The following FRMD5 variants were observed in gnomAD, a reference collection of about 807,000 sequenced individuals.
The protein encoded by FRMD5 is FERM domain-containing protein 5.
FRMD5 carries 20 observed loss-of-function variants against 69.0 expected under a neutral mutation model. The observed-to-expected ratio is 0.29, with a 90% CI of 0.20 to 0.42. The LOEUF (loss-of-function observed/expected upper bound fraction) is 0.42, where lower values mean the gene tolerates loss of function less well. Ranked by LOEUF, FRMD5 falls within the 10% of genes least tolerant of loss-of-function variation. FRMD5 has a pLI of 1.00. For synonymous variants in FRMD5, 271 were observed against 260.1 expected (o/e 1.04, Z -0.40); for missense variants, 595 against 708.6 (o/e 0.84, Z 1.82).
At chr15:43,956,123 C>A (rs2090111691) in intron 1 of FRMD5, among the ~76,000 whole-genome samples, 2 of 152,132 alleles carry the variant, frequency 1.3e-5, no homozygotes, top group South Asian at 4.1e-4. Flanking sequence ...GCTTGGTTTT[C>A]TCTAATCTTG....
At chr15:44,029,303 T>C (rs149106571) in intron 1 of FRMD5, among the ~76,000 whole-genome samples, 1 of 127,102 alleles carries the variant, frequency 7.9e-6, no homozygotes, top group Admixed American at 9.1e-5. Context: ...ATAACACTGC[T>C]GCATCCTTTT....
intron 13 of FRMD5, chr15:43,875,804 G>GTTTTTTTTTTTTTTTTTTTTTTTTTTTT (rs34063043): frequency 2.8e-5 from 6 of 210,660 alleles, no homozygotes; most frequent in African/African-American, 1.4e-4. Flanking sequence ...CCTGGGCCTA[G>GTTTTTTTTTTTTTTTTTTTTTTTTTTTT]TTTTTTTTTT....
intron 1 of FRMD5, among the ~76,000 whole-genome samples, chr15:44,002,733 C>T (rs189680019): frequency 2.6e-5 from 4 of 152,176 alleles, no homozygotes; most frequent in East Asian, 3.9e-4. Flanking sequence ...GGTCAGGGGT[C>T]GATCTTTAAC....
chr15:43,886,036 G>A (rs2088654803), intron 10 of FRMD5, among the ~76,000 whole-genome samples: 1 of 152,222 alleles, frequency 6.6e-6, no homozygotes, highest in African/African-American at 2.4e-5. Context: ...CAGGGGGACT[G>A]AGAGAATACA....
chr15:44,011,642 G>A (rs1890727441), intron 1 of FRMD5, among the ~76,000 whole-genome samples: 1 of 152,170 alleles, frequency 6.6e-6, no homozygotes, highest in South Asian at 2.1e-4. Context: ...GAAAGTGGAT[G>A]AGATCATCAA....
chr15:44,012,266 C>T (rs1890752936), intron 1 of FRMD5, among the ~76,000 whole-genome samples: 1 of 152,206 alleles, frequency 6.6e-6, no homozygotes, highest in Non-Finnish European at 1.5e-5. Context: ...AAGTGCACCA[C>T]TGAATAAATG....
chr15:44,112,030 A>C (rs571247511), intron 1 of FRMD5, among the ~76,000 whole-genome samples: 1 of 151,952 alleles, frequency 6.6e-6, no homozygotes, highest in African/African-American at 2.4e-5. Flanking sequence ...TTTTTAGTAG[A>C]GACGGGGTTT....
At chr15:43,876,222 C>T in intron 13 of FRMD5, 3 of 1,581,416 alleles carry the variant, frequency 1.9e-6, no homozygotes, top group Non-Finnish European at 2.6e-6. Context: ...TTTTCCAGAA[C>T]CACTTTTTCC....
At chr15:44,062,551 C>G (rs1893131858) in intron 1 of FRMD5, among the ~76,000 whole-genome samples, 1 of 151,930 alleles carries the variant, frequency 6.6e-6, no homozygotes. Context: ...ATTAGCCAGG[C>G]ATGGTGGTGG....
chr15:43,961,514 A>C (rs2090200391), intron 1 of FRMD5, among the ~76,000 whole-genome samples: 1 of 152,222 alleles, frequency 6.6e-6, no homozygotes, highest in African/African-American at 2.4e-5. Flanking sequence ...AAACAATTCC[A>C]ATCAATAGAA....
intron 1 of FRMD5, among the ~76,000 whole-genome samples, chr15:43,968,874 C>T (rs546785983): frequency 2.2e-4 from 34 of 152,056 alleles, no homozygotes; most frequent in African/African-American, 6.3e-4. Flanking sequence ...AAGTTAGTAA[C>T]GGAAAGACAC....
At chr15:43,911,003 C>G (rs1188735548) in intron 4 of FRMD5, among the ~76,000 whole-genome samples, 2 of 152,210 alleles carry the variant, frequency 1.3e-5, no homozygotes, top group Non-Finnish European at 2.9e-5. Context: ...TGCAGTTTCA[C>G]TAGTTGGATG....
chr15:43,989,241 C>T (rs1889548410), intron 1 of FRMD5: 1 of 795,162 alleles, frequency 1.3e-6, no homozygotes, highest in Non-Finnish European at 2.3e-6. Context: ...GGGTGGTGAT[C>T]TTCTGCATCC....
rs114482996 is a variant in FRMD5, at chr15:43,929,026, T to C, written c.103-4717A>G. 3.3e-3 allele frequency among the ~76,000 whole-genome samples: 504 copies of C among 152,362 alleles called. 2 individuals are homozygous for C. Among genetic ancestry groups the C allele is most frequent in the African/African-American group, 0.011 (477 of 41,586 alleles). ...ATTTTATGAACCACAACAGTGCCTA[T>C]ACATATTTGAAAATACTAGTGCATA... On this transcript the variant is annotated intron_variant, in intron 1 of 13. Coordinates refer to ENST00000417257, the MANE Select transcript of FRMD5 (RefSeq NM_032892.5).
intron 1 of FRMD5, among the ~76,000 whole-genome samples, chr15:44,147,687 C>T (rs1209371731): frequency 6.6e-6 from 1 of 152,040 alleles, no homozygotes; most frequent in Non-Finnish European, 1.5e-5. Context: ...ATCTGTTGCC[C>T]CACCTAGACA....
chr15:44,061,581 C>T (rs1893089051), intron 1 of FRMD5, among the ~76,000 whole-genome samples: 1 of 152,160 alleles, frequency 6.6e-6, no homozygotes. Flanking sequence ...ACTACTCATC[C>T]CAGTTTGTTA....
At chr15:44,057,164 GC>G (rs1306467229) in intron 1 of FRMD5, among the ~76,000 whole-genome samples, 7 of 146,918 alleles carry the variant, frequency 4.8e-5, no homozygotes, top group Middle Eastern at 3.5e-3. Flanking sequence ...TCACTCTGTT[GC>G]CCAGGCTGGA....
chr15:44,118,720 G>A (rs1011241508), intron 1 of FRMD5, among the ~76,000 whole-genome samples: 11 of 152,130 alleles, frequency 7.2e-5, no homozygotes, highest in Admixed American at 3.9e-4. Flanking sequence ...CAGATCCCCC[G>A]ATGGGATTCG....
At chr15:43,996,184 C>T (rs1889915114) in intron 1 of FRMD5, among the ~76,000 whole-genome samples, 1 of 151,736 alleles carries the variant, frequency 6.6e-6, no homozygotes, top group South Asian at 2.1e-4. Context: ...GGCCTGGAGG[C>T]AGGGTCCACT....
Sources: allele counts gnomAD v4.1 joint callset (sites outside exome capture counted in the v4.1 genomes callset), GRCh38; gene constraint gnomAD v4.1.1; transcripts MANE v1.5; gene names NCBI Gene and HGNC (gene_info 2026-07-23, HGNC 2026-07-21).